The following NT5DC3 variants were observed in gnomAD, a reference collection of about 807,000 sequenced individuals.
The protein encoded by NT5DC3 is 5'-nucleotidase domain containing 3.
In NT5DC3, 42 loss-of-function variants were observed where a neutral mutation model predicts 67.8. That is an observed-to-expected ratio of 0.62 (90% CI 0.48 to 0.80). The LOEUF is 0.80. NT5DC3 is among the 30% of genes least tolerant of loss of function. NT5DC3 has a pLI of 0.00. For synonymous variants in NT5DC3, 237 were observed against 255.6 expected, an observed-to-expected ratio of 0.93 and a Z score of 0.69; for missense variants, 570 against 696.4, an observed-to-expected ratio of 0.82 and a Z score of 2.04.
chr12:103,769,559 C>T (rs901952550), downstream of NT5DC3, among the ~76,000 whole-genome samples: 1 of 152,244 alleles, frequency 6.6e-6, no homozygotes, highest in Admixed American at 6.5e-5. Context: ...GGAGGAGTGC[C>T]GGGTCAGTGG....
chr12:103,785,225 A>T lies in NT5DC3; in HGVS notation c.1329+110T>A, dbSNP rs1485114917. The T allele has an allele frequency of 2.8e-6, 3 of 1,074,892 alleles. No homozygotes were observed. In the East Asian group the frequency reaches 7.2e-5, roughly 26 times the overall value. The allele number at this position is 1,074,892 out of a possible 1,614,324, so 66.6% of individuals were successfully genotyped here. On this transcript the variant is annotated intron_variant, in intron 12 of 13. Coordinates refer to ENST00000392876, the MANE Select transcript of NT5DC3 (RefSeq NM_001031701.3). ...CCAATCGTTATTCTACAGTCTACTG[A>T]AAACAACTTAAGCCTCATATTTTAT...
chr12:103,838,274 C>T (rs1222046583), intron 1 of NT5DC3, among the ~76,000 whole-genome samples: 2 of 152,192 alleles, frequency 1.3e-5, no homozygotes, highest in Non-Finnish European at 2.9e-5. Flanking sequence ...TTGGTGGGGA[C>T]ACAGCCAAAC....
intron 4 of NT5DC3, among the ~76,000 whole-genome samples, chr12:103,803,538 C>A (rs1250136195): frequency 1.3e-5 from 2 of 152,158 alleles, no homozygotes; most frequent in African/African-American, 4.8e-5. Context: ...AAATTCATGT[C>A]ATGGGGGTTT....
chr12:103,762,802 G>A, the NT5DC3 span, among the ~76,000 whole-genome samples: 1 of 152,202 alleles, frequency 6.6e-6, no homozygotes, highest in Non-Finnish European at 1.5e-5. Context: ...GACAGGGCTA[G>A]GGACCCTACA....
At chr12:103,750,060 A>C in the NT5DC3 span, among the ~76,000 whole-genome samples, 8 of 152,224 alleles carry the variant, frequency 5.3e-5, no homozygotes, top group Admixed American at 5.2e-4. Context: ...TGGGCCTCAT[A>C]ATAATGCAGA....
chr12:103,812,929 A>G (rs60378307), intron 2 of NT5DC3, among the ~76,000 whole-genome samples: 15,805 of 152,310 alleles, frequency 0.1, 1,145 homozygotes, highest in East Asian at 0.29. Flanking sequence ...TGAGGAAAGC[A>G]CTGTTACTAC....
the NT5DC3 span, chr12:103,746,483 A>G: frequency 1.1e-6 from 1 of 898,596 alleles, no homozygotes; most frequent in Non-Finnish European, 1.8e-6. Flanking sequence ...CCTGCTGTAC[A>G]GGGGCACTTA....
At chr12:103,746,329 G>A in the NT5DC3 span, 4 of 301,316 alleles carry the variant, frequency 1.3e-5, no homozygotes, top group South Asian at 4.6e-5. Context: ...GTGGTATAAA[G>A]TTTTAATTGA....
chr12:103,841,201 T>C lies in NT5DC3; in HGVS notation c.-45A>G, dbSNP rs912214043. The C allele has an allele frequency of 1.0e-5, 6 of 572,520 alleles. No homozygotes were observed. The Admixed American group carries it at 1.6e-4, about 15-fold the overall frequency. 35.5% of individuals were successfully genotyped at this position (572,520 alleles called of 1,614,324 possible). A position where few individuals can be genotyped will look rare whatever the true frequency, so the allele number is the denominator to read the frequency against. On this transcript the variant is annotated 5_prime_UTR_variant, in exon 1 of 14. Transcript: ENST00000392876. ...CACCGCCGCCGCGCCGCTCTGCGAC[T>C]GCTGCTGCCCGGCCCAAGATCTACC...
the NT5DC3 span, among the ~76,000 whole-genome samples, chr12:103,751,672 A>G: frequency 6.6e-6 from 1 of 152,200 alleles, no homozygotes; most frequent in Non-Finnish European, 1.5e-5. Flanking sequence ...TGGGACTGTG[A>G]AGTCAAGAAG....
chr12:103,780,895 AT>A (rs1231209733), intron 12 of NT5DC3, among the ~76,000 whole-genome samples: 1 of 152,234 alleles, frequency 6.6e-6, no homozygotes, highest in East Asian at 1.9e-4. Flanking sequence ...TAACATAAAA[AT>A]TTGTTTTAAT....
chr12:103,808,346 CT>C (rs1886891460), intron 2 of NT5DC3, among the ~76,000 whole-genome samples: 1 of 152,210 alleles, frequency 6.6e-6, no homozygotes, highest in Non-Finnish European at 1.5e-5. Context: ...GACAGAACAT[CT>C]ATTCCTGAGT....
At chr12:103,794,681 T>G (rs1886233815) in intron 6 of NT5DC3, among the ~76,000 whole-genome samples, 1 of 152,270 alleles carries the variant, frequency 6.6e-6, no homozygotes, top group South Asian at 2.1e-4. Flanking sequence ...GTGCCCTTTC[T>G]GTCCCTAGAC....
chr12:103,769,529 G>A (rs1316365714), downstream of NT5DC3, among the ~76,000 whole-genome samples: 1 of 152,190 alleles, frequency 6.6e-6, no homozygotes, highest in East Asian at 1.9e-4. Flanking sequence ...CACAGAGCAG[G>A]CCCTAGGCAA....
intron 11 of NT5DC3, chr12:103,785,730 G>T: frequency 1.9e-6 from 1 of 532,454 alleles, no homozygotes; most frequent in Non-Finnish European, 3.5e-6. Context: ...CACTAGGTCT[G>T]GAATCATTAA....
rs908549202 is a variant in NT5DC3, at chr12:103,773,568, T to C, written c.*4261A>G. 7.2e-5 allele frequency: 11 copies of C among 152,190 alleles called. No homozygotes were observed. Among genetic ancestry groups the C allele is most frequent in the African/African-American group, 2.7e-4 (11 of 41,438 alleles). The allele number at this position is 152,190 out of a possible 1,614,324, so 9.4% of individuals were successfully genotyped here. A position where few individuals can be genotyped will look rare whatever the true frequency, so the allele number is the denominator to read the frequency against. On this transcript the variant is annotated 3_prime_UTR_variant, in exon 14 of 14. Transcript: ENST00000392876. ...AAAAAAGAAAGAAAGAAAAACCTGGTACAAAAGAAAGTCGATATTAAGAAG... is the reference window on the plus strand; with the variant it reads ...AAAAAAGAAAGAAAGAAAAACCTGGCACAAAAGAAAGTCGATATTAAGAAG...
At chr12:103,825,785 C>T (rs376235877) in intron 1 of NT5DC3, among the ~76,000 whole-genome samples, 1 of 152,120 alleles carries the variant, frequency 6.6e-6, no homozygotes, top group Non-Finnish European at 1.5e-5. Context: ...GAGAAGAGAG[C>T]CATGTCGAAT....
chr12:103,767,972 C>T (rs1217719853), downstream of NT5DC3, among the ~76,000 whole-genome samples: 1 of 151,292 alleles, frequency 6.6e-6, no homozygotes, highest in Non-Finnish European at 1.5e-5. Context: ...CCTGTAATTC[C>T]AGCTACTCAC....
At chr12:103,752,747 A>C in the NT5DC3 span, among the ~76,000 whole-genome samples, 12 of 152,216 alleles carry the variant, frequency 7.9e-5, no homozygotes, top group Non-Finnish European at 1.6e-4. Flanking sequence ...ATTTTGGGAT[A>C]TAATTATGAT....
Sources: gnomAD v4.1 joint callset for allele counts (sites outside exome capture counted in the v4.1 genomes callset) on GRCh38, gnomAD v4.1.1 for gene constraint, MANE v1.5 for transcripts, NCBI Gene and HGNC (gene_info 2026-07-23, HGNC 2026-07-21) for gene names.